Variants in ADD3 observed in about 807,000 individuals in gnomAD.
ADD3 encodes the protein adducin 3.
ADD3 carries 25 observed loss-of-function variants against 80.2 expected under a neutral mutation model. The observed-to-expected ratio is 0.31, with a 90% CI of 0.23 to 0.44. ADD3 has a LOEUF of 0.44. Among genes scored for constraint, ADD3 ranks in the 20% least tolerant of loss-of-function variants. The pLI is 1.00. For missense variants in ADD3, 829 were observed against 847.5 expected (o/e 0.98, Z 0.27); for synonymous variants, 284 against 289.6 (o/e 0.98, Z 0.20).
chr10:110,107,001 C>A (rs1290187213), intron 2 of ADD3, among the ~76,000 whole-genome samples: 1 of 152,036 alleles, frequency 6.6e-6, no homozygotes, highest in Admixed American at 6.6e-5. Flanking sequence ...ATATTTGCTA[C>A]GTTAACTGGG....
upstream of ADD3, among the ~76,000 whole-genome samples, chr10:110,006,949 T>G (rs1175678216): frequency 1.3e-5 from 2 of 151,222 alleles, no homozygotes; most frequent in East Asian, 3.9e-4. Context: ...CTCGGAGGGG[T>G]GTGCTTGCAA....
intron 1 of ADD3, among the ~76,000 whole-genome samples, chr10:110,010,853 T>C (rs1482159205): frequency 6.6e-6 from 1 of 152,070 alleles, no homozygotes; most frequent in Admixed American, 6.6e-5. Flanking sequence ...CAGTGAGAGG[T>C]CTTCATAGTA....
intron 1 of ADD3, among the ~76,000 whole-genome samples, chr10:110,018,197 C>T (rs966578700): frequency 3.9e-5 from 6 of 152,046 alleles, no homozygotes; most frequent in Non-Finnish European, 4.4e-5. Flanking sequence ...ATGACAGATA[C>T]AGAAAACAAA....
chr10:110,102,736 C>T (rs1259706259), intron 2 of ADD3, among the ~76,000 whole-genome samples: 2 of 152,134 alleles, frequency 1.3e-5, no homozygotes, highest in Non-Finnish European at 2.9e-5. Context: ...GGAAGTATCT[C>T]AAAGAGGACC....
intron 1 of ADD3, among the ~76,000 whole-genome samples, chr10:110,049,223 A>G (rs1184201156): frequency 6.6e-6 from 1 of 152,188 alleles, no homozygotes; most frequent in Non-Finnish European, 1.5e-5. Flanking sequence ...ATGTATGGAA[A>G]CGCCTGGATT....
intron 9 of ADD3, among the ~76,000 whole-genome samples, chr10:110,122,765 G>A (rs529244201): frequency 4.0e-5 from 6 of 151,588 alleles, no homozygotes; most frequent in Admixed American, 2.0e-4. Flanking sequence ...GGGACATAAC[G>A]TGTGTGCCAC....
chr10:110,053,281 G>A (rs1009434832), intron 1 of ADD3, among the ~76,000 whole-genome samples: 1 of 151,742 alleles, frequency 6.6e-6, no homozygotes, highest in African/African-American at 2.4e-5. Flanking sequence ...GTTTCTGCTT[G>A]GGTATAATGT....
At chr10:110,083,278 TGA>T (rs1253591825) in intron 1 of ADD3, among the ~76,000 whole-genome samples, 3 of 152,078 alleles carry the variant, frequency 2.0e-5, no homozygotes, top group African/African-American at 7.2e-5. Flanking sequence ...CGGATGGAGA[TGA>T]GAGGGGAAAA....
chr10:110,003,444 C>T (rs1851527926), upstream of ADD3, among the ~76,000 whole-genome samples: 1 of 152,100 alleles, frequency 6.6e-6, no homozygotes, highest in Non-Finnish European at 1.5e-5. Flanking sequence ...ATTTTAAATA[C>T]ATTTGCCTAT....
chr10:110,125,048 C>A (rs1477266416), intron 10 of ADD3, among the ~76,000 whole-genome samples: 1 of 152,192 alleles, frequency 6.6e-6, no homozygotes, highest in Non-Finnish European at 1.5e-5. Context: ...TCTAGATATT[C>A]AGAATTAGTT....
intron 4 of ADD3, among the ~76,000 whole-genome samples, chr10:110,116,836 T>G (rs1850797091): frequency 1.3e-5 from 2 of 152,184 alleles, no homozygotes; most frequent in Non-Finnish European, 2.9e-5. Flanking sequence ...TTTGCCACAC[T>G]TGGAAAAAGA....
chr10:110,129,253 C>G (rs1852624364), intron 12 of ADD3, among the ~76,000 whole-genome samples: 1 of 151,792 alleles, frequency 6.6e-6, no homozygotes, highest in Non-Finnish European at 1.5e-5. Context: ...GGGTTCAAGC[C>G]ATTCTCCTGC....
In ADD3 at chr10:110,119,521, C is replaced by T. The variant is rs1188455999; in HGVS notation, c.917C>T (p.Ala306Val). ...VVALGETLEE[A>V]FHYIFNVQLA... is the part of the protein sequence containing the mutation. The stretch of plus-strand genomic sequence containing the variant: ...GCACTTGGAGAAACATTAGAGGAGG[C>T]TTTTCATTATATTTTTAATGTGCAA... Residue 306 changes from alanine (A) to valine (V), a missense_variant, in exon 8 of 15, where the codon GCT becomes GTT. Ala to Val is a moderately conservative substitution (Grantham distance 64). Transcript: ENST00000356080. 6.8e-6 allele frequency: 11 copies of T among 1,614,010 alleles called. No homozygotes were observed. Among genetic ancestry groups the T allele is most frequent in the East Asian group, 2.2e-5 (1 of 44,862 alleles).
chr10:110,119,440 T>A (rs1443280987), intron 7 of ADD3, 26 bp from the exon 8 acceptor site: 6 of 1,613,404 alleles, frequency 3.7e-6, no homozygotes, highest in Non-Finnish European at 5.1e-6. Flanking sequence ...TTATTTCAAG[T>A]GATTGCTGTG....
At chr10:110,039,976 C>A (rs1369066156) in intron 1 of ADD3, among the ~76,000 whole-genome samples, 3 of 152,148 alleles carry the variant, frequency 2.0e-5, no homozygotes, top group Non-Finnish European at 2.9e-5. Flanking sequence ...AAGATGGAAG[C>A]CAGTTTTTAA....
intron 1 of ADD3, among the ~76,000 whole-genome samples, chr10:110,048,253 G>A (rs1393995824): frequency 1.3e-5 from 2 of 152,186 alleles, no homozygotes; most frequent in African/African-American, 2.4e-5. Flanking sequence ...GGAACTGTGA[G>A]TCCATAAATC....
intron 1 of ADD3, among the ~76,000 whole-genome samples, chr10:110,042,302 C>T (rs1015456629): frequency 2.6e-5 from 4 of 152,076 alleles, no homozygotes; most frequent in African/African-American, 9.7e-5. Context: ...CTGTTCTATA[C>T]TACTTGGGTG....
chr10:110,001,337 C>T (rs1458548293), upstream of ADD3, among the ~76,000 whole-genome samples: 1 of 151,504 alleles, frequency 6.6e-6, no homozygotes, highest in Non-Finnish European at 1.5e-5. Context: ...ATCGCTTGAG[C>T]CCGGAAGATT....
chr10:110,114,075 G>A (rs963498204), intron 3 of ADD3, among the ~76,000 whole-genome samples: 1 of 152,188 alleles, frequency 6.6e-6, no homozygotes, highest in Non-Finnish European at 1.5e-5. Context: ...ATTCCATGGC[G>A]GGAACAAGGA....
Sources: gnomAD v4.1 joint callset for allele counts (sites outside exome capture counted in the v4.1 genomes callset) on GRCh38, gnomAD v4.1.1 for gene constraint, MANE v1.5 for transcripts, NCBI Gene and HGNC (gene_info 2026-07-23, HGNC 2026-07-21) for gene names.